Variants in KLHL1 observed in about 807,000 individuals in gnomAD.
KLHL1 encodes kelch like family member 1, also known as kelch-like protein 1.
In KLHL1, 47 loss-of-function variants were observed where a neutral mutation model predicts 77.7. The ratio of observed to expected loss-of-function variants is 0.60; its 90% confidence interval spans 0.48 to 0.77. The LOEUF (loss-of-function observed/expected upper bound fraction) is 0.77. KLHL1 is among the 30% of genes least tolerant of loss of function. The pLI, the probability that KLHL1 is intolerant of heterozygous loss-of-function variation, is 0.00. For synonymous variants in KLHL1, 360 were observed against 325.2 expected (o/e 1.11, Z -1.15); for missense variants, 925 against 910.8 (o/e 1.02, Z -0.20).
chr13:70,015,150 T>C (rs943352658), intron 1 of KLHL1, among the ~76,000 whole-genome samples: 9 of 152,104 alleles, frequency 5.9e-5, no homozygotes, highest in African/African-American at 2.2e-4. Context: ...TGGGGATATG[T>C]TCAAAGAAAT....
At chr13:70,039,185 C>T (rs1363470960) in intron 1 of KLHL1, among the ~76,000 whole-genome samples, 1 of 151,808 alleles carries the variant, frequency 6.6e-6, no homozygotes, top group East Asian at 1.9e-4. Flanking sequence ...GCTCCAACCT[C>T]AGCTCCCCAA....
chr13:69,913,396 C>T (rs1462037251), intron 4 of KLHL1, among the ~76,000 whole-genome samples: 3 of 152,178 alleles, frequency 2.0e-5, no homozygotes, highest in African/African-American at 4.8e-5. Context: ...GCTCCTTGCT[C>T]AGCAGGGGAG....
At chr13:70,099,220 AGAC>A (rs1431455987) in intron 1 of KLHL1, among the ~76,000 whole-genome samples, 1 of 151,892 alleles carries the variant, frequency 6.6e-6, no homozygotes. Flanking sequence ...CTATTATTCA[AGAC>A]GTTCTATATA....
At position 69,956,184 on chromosome 13, in the gene KLHL1, G is replaced by GAT. The variant is rs559379081; in HGVS notation, c.817+5122_817+5123dup. Reference sequence around the variant, plus strand: ...TGATATATATATTTATTATATATCTGATATATATATAAAACAAAAATGTTT... The same window carrying GAT: ...TGATATATATATTTATTATATATCTGATATATATATATAAAACAAAAATGTTT... On this transcript the variant is annotated intron_variant, in intron 3 of 10. Transcript: ENST00000377844. Among the ~76,000 whole-genome samples the GAT allele has an allele frequency of 4.3e-3, 519 of 119,852 alleles. 1 individual carries two copies. Among genetic ancestry groups the GAT allele is most frequent in the Non-Finnish European group, 6.6e-3 (408 of 61,438 alleles). The allele number at this position is 119,852 out of a possible 152,430, so 78.6% of individuals were successfully genotyped here. A position where few individuals can be genotyped will look rare whatever the true frequency, so the allele number is the denominator to read the frequency against.
chr13:69,861,785 T>TAAAAAAA (rs34408474), intron 5 of KLHL1, among the ~76,000 whole-genome samples: 113 of 85,876 alleles, frequency 1.3e-3, no homozygotes, highest in East Asian at 3.8e-3. Flanking sequence ...CCGTCTCTAC[T>TAAAAAAA]AAAAAAAAAA....
chr13:70,042,520 A>G (rs1409219087), intron 1 of KLHL1, among the ~76,000 whole-genome samples: 1 of 152,108 alleles, frequency 6.6e-6, no homozygotes, highest in Non-Finnish European at 1.5e-5. Context: ...GCCACCCAAA[A>G]GTAATTGCAC....
At chr13:69,977,535 G>T (rs764032910) in intron 1 of KLHL1, among the ~76,000 whole-genome samples, 3 of 152,044 alleles carry the variant, frequency 2.0e-5, no homozygotes, top group Non-Finnish European at 4.4e-5. Flanking sequence ...ACTATATTCT[G>T]TAATCTTAAA....
At chr13:69,988,281 C>A (rs200868651) in intron 1 of KLHL1, among the ~76,000 whole-genome samples, 1 of 152,150 alleles carries the variant, frequency 6.6e-6, no homozygotes, top group South Asian at 2.1e-4. Context: ...CATGTTCCTG[C>A]AAGGACATGA....
chr13:69,963,029 A>G (rs1231570939), intron 2 of KLHL1, among the ~76,000 whole-genome samples: 1 of 152,090 alleles, frequency 6.6e-6, no homozygotes, highest in Admixed American at 6.6e-5. Flanking sequence ...TTTTCACTTT[A>G]CTTAGAGCCT....
chr13:70,033,695 C>G (rs986220446), intron 1 of KLHL1, among the ~76,000 whole-genome samples: 14 of 141,092 alleles, frequency 9.9e-5, no homozygotes, highest in African/African-American at 3.4e-4. Context: ...TCTTGACTCA[C>G]TGCAGCCTCC....
In KLHL1 at chr13:70,107,288, G is replaced by A. The variant is rs1888087245; in HGVS notation, c.412C>T (p.Pro138Ser). 6.2e-7 allele frequency: 1 copy of A among 1,613,936 alleles called. No individual in the cohort carries two copies. Among genetic ancestry groups the A allele is most frequent in the Non-Finnish European group, 8.5e-7 (1 of 1,180,022 alleles). ...TGCAGAACCAGCCCTTTTTCGTGTG[G>A]TCCAGGAAAGTCCATGCCTGGCACC... ...EVVPGMDFPG[P>S]HEKGLVLQEL... The change falls in exon 1 of 11, where the codon CCA becomes TCA. Residue 138 changes from proline to serine, a missense_variant. Transcript: ENST00000377844.
At chr13:69,749,459 T>A (rs1874376644) in intron 7 of KLHL1, among the ~76,000 whole-genome samples, 1 of 151,980 alleles carries the variant, frequency 6.6e-6, no homozygotes, top group Non-Finnish European at 1.5e-5. Flanking sequence ...TATAATTATT[T>A]ATAATTTTTG....
intron 5 of KLHL1, among the ~76,000 whole-genome samples, chr13:69,859,434 T>C (rs1880050454): frequency 6.6e-6 from 1 of 151,940 alleles, no homozygotes; most frequent in Admixed American, 6.6e-5. Flanking sequence ...CTGCAATATG[T>C]GGCTGTAGTG....
At chr13:69,785,632 A>G (rs7991104) in intron 7 of KLHL1, among the ~76,000 whole-genome samples, 144,151 of 145,660 alleles carry the variant, frequency 0.99, 71,358 homozygotes, top group East Asian at 1. Flanking sequence ...TCAAAAGCTA[A>G]CAGAAGGCAA....
chr13:69,840,659 C>T (rs78640804), intron 5 of KLHL1, among the ~76,000 whole-genome samples: 206 of 150,886 alleles, frequency 1.4e-3, no homozygotes, highest in South Asian at 3.1e-3. Flanking sequence ...TGCCTTTCTA[C>T]GCACTTTTAT....
rs1776192125 is a variant in KLHL1 at position 69,924,603 on chromosome 13, T to C, written c.1014+15437A>G. Among the ~76,000 whole-genome samples, 8 of 152,154 alleles carry C rather than the reference T, an allele frequency of 5.3e-5. No individual in the cohort carries two copies. In the South Asian group the frequency reaches 1.7e-3, roughly 31 times the overall value. On this transcript the variant is annotated intron_variant, in intron 4 of 10. Coordinates refer to ENST00000377844, the MANE Select transcript of KLHL1 (RefSeq NM_020866.3). ...CTTGCTGACCCTCCACTGATCCACA[T>C]ACCTCCTTCTTCCTGGGCACGGGAC...
In KLHL1 at chr13:69,719,176, G is replaced by C. The variant is rs578071879; in HGVS notation, c.2015+193C>G. On this transcript the variant is annotated intron_variant, in intron 9 of 10. Transcript: ENST00000377844. ...GGAATAAAAGAATAAGAAAATAAAA[G>C]AAAGTACGTGTGTGTGTGTGTGTGT... 1.9e-4 allele frequency among the ~76,000 whole-genome samples: 28 copies of C among 146,912 alleles called. No homozygotes were observed. The East Asian group carries it at 3.6e-3, about 19-fold the overall frequency.
Position 69,701,766 on chromosome 13 carries a change from TA to T in KLHL1, c.2188-6del, listed in dbSNP as rs1452541971. On this transcript the variant is annotated splice_region_variant and splice_polypyrimidine_tract_variant and intron_variant, in intron 10 of 10. Transcript: ENST00000377844. ...CCCAATATTCAAGGAAGCCATCTGT[TA>T]AAAAAGATGAAACACAACTTAAGAC... 6.2e-7 allele frequency: 1 copy of T among 1,601,414 alleles called. No homozygotes were observed. Among genetic ancestry groups the T allele is most frequent in the Non-Finnish European group, 8.5e-7 (1 of 1,172,474 alleles).
intron 7 of KLHL1, among the ~76,000 whole-genome samples, chr13:69,781,113 G>A (rs1876165890): frequency 1.3e-5 from 2 of 151,966 alleles, no homozygotes; most frequent in African/African-American, 4.8e-5. Flanking sequence ...CTTGCAGGGG[G>A]AGACAGTCTG....
Sources: allele counts gnomAD v4.1 joint callset (sites outside exome capture counted in the v4.1 genomes callset), GRCh38; gene constraint gnomAD v4.1.1; transcripts MANE v1.5; gene names NCBI Gene and HGNC (gene_info 2026-07-23, HGNC 2026-07-21).